Variants in FBXO10 observed in about 807,000 individuals in gnomAD.
FBXO10 encodes the protein F-box protein 10, also known as F-box only protein 10.
Under a neutral mutation model 80.7 loss-of-function variants are expected in FBXO10, and 39 were observed. The ratio of observed to expected loss-of-function variants is 0.48; its 90% CI spans 0.37 to 0.63. FBXO10 has a LOEUF of 0.63. Ranked by LOEUF, FBXO10 falls within the 30% of genes least tolerant of loss-of-function variation. The pLI, the probability that FBXO10 is intolerant of heterozygous loss-of-function variation, is 0.00. For synonymous variants in FBXO10, 449 were observed against 489.6 expected (o/e 0.92, Z 1.09); for missense variants, 1,025 against 1,269.0 (o/e 0.81, Z 2.92).
chr9:37,529,128 C>G lies in FBXO10; in HGVS notation c.1702G>C (p.Val568Leu). 1.2e-6 allele frequency: 2 copies of G among 1,613,990 alleles called. No individual in the cohort carries two copies. Among genetic ancestry groups the G allele is most frequent in the Middle Eastern group, 1.6e-4 (1 of 6,062 alleles). ...IYILYHGNPV[V>L]SGNHIFKGRA... ...GAGGGAAACAGCAGCACACACCTCA[C>G]AACGGGGTTTCCGTGGTACAGGATG... is the stretch of plus-strand genomic sequence containing the variant. The change falls in exon 5 of 11, where the codon GTG becomes CTG. Residue 568 changes from valine (V) to leucine (L), a missense_variant. Val to Leu is a conservative substitution (Grantham distance 32). This residue lies in a region of FBXO10 where 478 missense variants were observed against 667.8 expected (regional missense o/e 0.72). Coordinates refer to ENST00000432825, the MANE Select transcript of FBXO10 (RefSeq NM_012166.3).
At chr9:37,546,829 C>A (rs1045554770) in intron 1 of FBXO10, among the ~76,000 whole-genome samples, 2 of 151,732 alleles carry the variant, frequency 1.3e-5, no homozygotes, top group Non-Finnish European at 2.9e-5. Flanking sequence ...TGCAGGCGTG[C>A]GCCACCACGC....
chr9:37,529,677 C>T (rs1588833174), intron 4 of FBXO10, among the ~76,000 whole-genome samples: 1 of 152,172 alleles, frequency 6.6e-6, no homozygotes, highest in Non-Finnish European at 1.5e-5. Context: ...CAACTGCAGT[C>T]CTAAAGGGGC....
At chr9:37,517,565 G>GACCAAGCCCTGTGGGGAGTGCTC (rs1821217378) in intron 9 of FBXO10, among the ~76,000 whole-genome samples, 15 of 152,006 alleles carry the variant, frequency 9.9e-5, no homozygotes, top group African/African-American at 3.1e-4. Context: ...GCTCTGTGAG[G>GACCAAGCCCTGTGGGGAGTGCTC]TATGTGTGGA....
intron 9 of FBXO10, among the ~76,000 whole-genome samples, chr9:37,516,971 A>C (rs1055030142): frequency 6.6e-6 from 1 of 151,698 alleles, no homozygotes; most frequent in Non-Finnish European, 1.5e-5. Context: ...AAAAAAAAAA[A>C]AAACAAAAAA....
At chr9:37,544,955 C>T (rs1563880922) in intron 1 of FBXO10, among the ~76,000 whole-genome samples, 3 of 137,798 alleles carry the variant, frequency 2.2e-5, no homozygotes. Context: ...GATCGCGCCA[C>T]TGCACTCCAG....
chr9:37,535,652 C>A (rs2119108313), intron 3 of FBXO10, among the ~76,000 whole-genome samples: 1 of 152,292 alleles, frequency 6.6e-6, no homozygotes, highest in South Asian at 2.1e-4. Context: ...GCCACAGCAC[C>A]CGGCTGACAC....
chr9:37,511,119 TC>T lies in FBXO10; in HGVS notation c.*1427del, dbSNP rs1821042682. On this transcript the variant is annotated 3_prime_UTR_variant, in exon 11 of 11. Transcript: ENST00000432825. ...AGTGCTCCTGGCTCCCTCTACCCCC[TC>T]CCATCCCACCCAACAGAGCAGCACC... The T allele has an allele frequency of 7.0e-6, 1 of 143,512 alleles. No homozygotes were observed. Among genetic ancestry groups the T allele is most frequent in the Non-Finnish European group, 1.5e-5 (1 of 65,230 alleles). The allele number at this position is 143,512 out of a possible 1,614,324, so 8.9% of individuals were successfully genotyped here.
chr9:37,556,612 C>T (rs1822343269), intron 1 of FBXO10, among the ~76,000 whole-genome samples: 1 of 139,436 alleles, frequency 7.2e-6, no homozygotes, highest in East Asian at 2.2e-4. Context: ...GGCACAATCT[C>T]GGCTCACTGC....
chr9:37,539,132 C>T (rs138019764), intron 2 of FBXO10, among the ~76,000 whole-genome samples: 6 of 152,322 alleles, frequency 3.9e-5, no homozygotes, highest in South Asian at 4.1e-4. Flanking sequence ...ATAATCCAGA[C>T]GTACCTACCC....
intron 2 of FBXO10, among the ~76,000 whole-genome samples, chr9:37,539,652 C>T (rs1441976884): frequency 1.3e-5 from 2 of 152,190 alleles, no homozygotes; most frequent in Non-Finnish European, 1.5e-5. Context: ...GCCTGCAGAC[C>T]AGCACCAGAG....
chr9:37,541,740 A>G lies in FBXO10; in HGVS notation c.29T>C (p.Leu10Pro). Residue 10 changes from leucine (L) to proline (P), a missense_variant, in exon 2 of 11, where the codon CTG (leucine) becomes CCG (proline). Physicochemically the swap from Leu to Pro is moderately conservative, Grantham distance 98. Coordinates refer to ENST00000432825, the MANE Select transcript of FBXO10 (RefSeq NM_012166.3). MEAGGLPLE[L>P]WRMILAYLHL... ...CAAGTAGGCTAAGATCATGCGCCAC[A>G]GCTCCAAGGGGAGGCCACCAGCCTC... 1.9e-6 allele frequency: 3 copies of G among 1,607,136 alleles called. No individual in the cohort carries two copies. The highest frequency in any genetic ancestry group is 2.6e-6 in the Non-Finnish European group (3 of 1,175,498).
rs778981739 is a variant in FBXO10 at position 37,529,236 on chromosome 9, G to C, written c.1594C>G (p.Arg532Gly). The change falls in exon 5 of 11, where the codon CGC becomes GGC. Residue 532 changes from arginine (R) to glycine (G), a missense_variant. By Grantham distance (125) the Arg-to-Gly change is moderately radical. Around this residue, in one of 3 missense-constraint regions of FBXO10, gnomAD observed 478 missense variants for 667.8 expected, o/e 0.72. Coordinates refer to ENST00000432825, the MANE Select transcript of FBXO10 (RefSeq NM_012166.3). ...ILCNQIHHGL[R>G]SGIVVLGNGK... ...TTGCCAAGGACGACAATGCCAGAGCGAAGGCCATGGTGGATCTGGTTACAC... is the reference window on the plus strand; with the variant it reads ...TTGCCAAGGACGACAATGCCAGAGCCAAGGCCATGGTGGATCTGGTTACAC... 3.7e-6 allele frequency: 6 copies of C among 1,611,112 alleles called. No individual in the cohort carries two copies. Among genetic ancestry groups the C allele is most frequent in the Non-Finnish European group, 4.2e-6 (5 of 1,178,662 alleles).
chr9:37,545,175 C>CTT (rs397893928), intron 1 of FBXO10, among the ~76,000 whole-genome samples: 15,515 of 85,608 alleles, frequency 0.18, 3,196 homozygotes, highest in Non-Finnish European at 0.21. Flanking sequence ...CATTCTCAGG[C>CTT]TTTTTTTTTT....
In FBXO10 at chr9:37,512,597, C is replaced by T. The variant is rs1173561396; in HGVS notation, c.2821G>A (p.Val941Met). Residue 941 changes from valine to methionine, a missense_variant, in exon 11 of 11, where the codon GTG (valine) becomes ATG (methionine). Coordinates refer to ENST00000432825, the MANE Select transcript of FBXO10 (RefSeq NM_012166.3). ...CGGTTGCTGTGGTAACCACCTTCCA[C>T]CCGGGCTGTGATCCTCGTTGCCATG... ...TAMATRITAR[V>M]EGGYHSNRSV... is the part of the protein sequence containing the mutation. 1.2e-6 allele frequency: 2 copies of T among 1,614,050 alleles called. No individual in the cohort carries two copies. Among genetic ancestry groups the T allele is most frequent in the South Asian group, 1.1e-5 (1 of 91,088 alleles).
At position 37,532,025 on chromosome 9, in the gene FBXO10, G is replaced by T. The variant is rs867210225; in HGVS notation, c.1453C>A (p.Arg485=). 3 of 1,613,802 alleles carry T rather than the reference G, an allele frequency of 1.9e-6. No homozygotes were observed. The highest frequency in any genetic ancestry group is 2.5e-6 in the Non-Finnish European group (3 of 1,179,758). ...AAGCGAAGAAAGATGCCTGACGCTC[G>T]GCAGCGGTAAATGTCGTTCCTGAGC... ...IMLRNDIYRC[R]ASGIFLRLEG... Residue 485 remains arginine (R), a synonymous_variant, in exon 4 of 11, where the codon CGA becomes AGA. Coordinates refer to ENST00000432825, the MANE Select transcript of FBXO10 (RefSeq NM_012166.3).
At chr9:37,526,523 CT>C (rs1821476623) in intron 5 of FBXO10, among the ~76,000 whole-genome samples, 1 of 152,182 alleles carries the variant, frequency 6.6e-6, no homozygotes, top group Non-Finnish European at 1.5e-5. Context: ...GACTTTTCAG[CT>C]TGGTGTATTA....
At chr9:37,536,443 TAGA>T (rs1821767596) in intron 3 of FBXO10, among the ~76,000 whole-genome samples, 1 of 152,084 alleles carries the variant, frequency 6.6e-6, no homozygotes, top group Admixed American at 6.6e-5. Flanking sequence ...TCCCAGCACA[TAGA>T]AGGTGTTGAT....
chr9:37,521,725 A>G lies in FBXO10; in HGVS notation c.2044T>C (p.Ser682Pro), dbSNP rs1821351052. Residue 682 changes from serine (S) to proline (P), a missense_variant, in exon 8 of 11, where the codon TCC becomes CCC. Ser to Pro is a moderately conservative substitution (Grantham distance 74). This residue lies in a region of FBXO10 where 478 missense variants were observed against 667.8 expected (regional missense o/e 0.72). Coordinates refer to ENST00000432825, the MANE Select transcript of FBXO10 (RefSeq NM_012166.3). ...CTGTGGCCTCGAGGTAACTCGCTGGAGCCATCCTTCTGGCTAAATACTGCC... is the reference window on the plus strand; with the variant it reads ...CTGTGGCCTCGAGGTAACTCGCTGGGGCCATCCTTCTGGCTAAATACTGCC... ...GVAVFSQKDG[S>P]SELPRGHRAQ... The G allele has an allele frequency of 6.2e-7, 1 of 1,613,892 alleles. No homozygotes were observed.
intron 1 of FBXO10, among the ~76,000 whole-genome samples, chr9:37,542,108 C>T (rs1408731168): frequency 2.6e-5 from 4 of 151,616 alleles, no homozygotes; most frequent in Non-Finnish European, 4.4e-5. Flanking sequence ...GGATTACAGG[C>T]GTGAGCCACC....
Sources: allele counts gnomAD v4.1 joint callset (sites outside exome capture counted in the v4.1 genomes callset), GRCh38; gene constraint gnomAD v4.1.1; regional missense constraint gnomAD v4.1.1; transcripts MANE v1.5; gene names NCBI Gene and HGNC (gene_info 2026-07-23, HGNC 2026-07-21).